HERC3: variants seen among roughly 807,000 people sequenced by gnomAD.
HERC3 encodes probable E3 ubiquitin-protein ligase HERC3.
Under a neutral mutation model 129.9 loss-of-function variants are expected in HERC3, and 58 were observed. That is an observed-to-expected ratio of 0.45 (90% CI 0.36 to 0.56). The LOEUF is 0.56. HERC3 is among the 20% of genes least tolerant of loss of function. HERC3 has a pLI of 0.00. For missense variants in HERC3, 835 were observed against 1,244.2 expected, an observed-to-expected ratio of 0.67 and a Z score of 4.95; for synonymous variants, 430 against 451.0, an observed-to-expected ratio of 0.95 and a Z score of 0.59.
the HERC3 span, among the ~76,000 whole-genome samples, chr4:88,571,200 C>T: frequency 2.7e-4 from 41 of 152,312 alleles, no homozygotes; most frequent in East Asian, 7.9e-3. Flanking sequence ...TCTCAAGTGG[C>T]TGAGACTACA....
chr4:88,531,487 A>G, the HERC3 span, among the ~76,000 whole-genome samples: 25 of 152,374 alleles, frequency 1.6e-4, no homozygotes, highest in East Asian at 4.8e-3. Flanking sequence ...GCAACTCCAC[A>G]TGATATTAAT....
In HERC3 at chr4:88,697,879, C is replaced by T. The variant is rs1318467868; in HGVS notation, c.2658-6219C>T. 11 of 1,343,782 alleles carry T rather than the reference C, an allele frequency of 8.2e-6. No individual in the cohort carries two copies. The Admixed American group carries it at 1.9e-4, about 23-fold the overall frequency. The allele number at this position is 1,343,782 out of a possible 1,614,324, so 83.2% of individuals were successfully genotyped here. ...GTGCGGCCGCGGGAATGACGTTGGC[C>T]GCGGCCCCGCCTCCTGCTTTCGCGG... On this transcript the variant is annotated intron_variant, in intron 23 of 25. Coordinates refer to ENST00000402738, the MANE Select transcript of HERC3 (RefSeq NM_014606.3).
Position 88,604,621 on chromosome 4 carries a change from A to G in HERC3, c.-29-1174A>G, listed in dbSNP as rs138357664. Reference sequence around the variant, plus strand: ...CCGTTCATCCATATTGCAGCCAAATAATATCCCATTGTATAGATATACCAT... The same window carrying G: ...CCGTTCATCCATATTGCAGCCAAATGATATCCCATTGTATAGATATACCAT... On this transcript the variant is annotated intron_variant, in intron 2 of 25. Coordinates refer to ENST00000402738, the MANE Select transcript of HERC3 (RefSeq NM_014606.3). 2.6e-3 allele frequency among the ~76,000 whole-genome samples: 390 copies of G among 152,340 alleles called. 1 individual carries two copies. The highest frequency in any genetic ancestry group is 4.7e-3 in the Non-Finnish European group (318 of 68,022).
chr4:88,640,817 C>G (rs1232407773), intron 3 of HERC3, among the ~76,000 whole-genome samples: 2 of 152,128 alleles, frequency 1.3e-5, no homozygotes, highest in Non-Finnish European at 2.9e-5. Context: ...CTTCAAAATA[C>G]TTGAAACAAA....
At chr4:88,690,994 C>G (rs1225979090) in intron 23 of HERC3, among the ~76,000 whole-genome samples, 2 of 152,120 alleles carry the variant, frequency 1.3e-5, no homozygotes, top group African/African-American at 2.4e-5. Context: ...TGAAGGCGTT[C>G]AGAGAAGTCA....
At chr4:88,625,846 A>T (rs1578192982) in intron 3 of HERC3, among the ~76,000 whole-genome samples, 3 of 151,156 alleles carry the variant, frequency 2.0e-5, no homozygotes, top group African/African-American at 4.9e-5. Context: ...ATTTTTTTTT[A>T]AATAAAAAAT....
intron 14 of HERC3, among the ~76,000 whole-genome samples, chr4:88,669,148 C>T (rs1731350410): frequency 6.6e-6 from 1 of 152,126 alleles, no homozygotes; most frequent in African/African-American, 2.4e-5. Context: ...GAGTATGCTA[C>T]AGGTAGTCAC....
At chr4:88,704,919 G>A (rs1050007080) in intron 25 of HERC3, among the ~76,000 whole-genome samples, 3 of 148,212 alleles carry the variant, frequency 2.0e-5, no homozygotes, top group African/African-American at 7.6e-5. Flanking sequence ...GGAGTGCAGT[G>A]GCGTGATCTC....
intron 2 of HERC3, among the ~76,000 whole-genome samples, chr4:88,604,778 A>G (rs1723432459): frequency 6.6e-6 from 1 of 152,320 alleles, no homozygotes; most frequent in Middle Eastern, 3.4e-3. Context: ...GTTTATAACT[A>G]GTAGTGAAAT....
rs76305575 is a variant in HERC3, at chr4:88,630,224, C to G, written c.227-19616C>G. 6.7e-3 allele frequency among the ~76,000 whole-genome samples: 1,026 copies of G among 152,256 alleles called. 12 individuals are homozygous for G. Among genetic ancestry groups the G allele is most frequent in the African/African-American group, 0.024 (977 of 41,550 alleles). The stretch of plus-strand genomic sequence containing the variant: ...AATGTTTTAGTTTCTCCATTATTCT[C>G]CATTTCTCCCATAAAGAATGATGAT... On this transcript the variant is annotated intron_variant, in intron 3 of 25. Transcript: ENST00000402738.
At chr4:88,625,859 G>A (rs1296829439) in intron 3 of HERC3, among the ~76,000 whole-genome samples, 1 of 151,980 alleles carries the variant, frequency 6.6e-6, no homozygotes, top group African/African-American at 2.4e-5. Flanking sequence ...TAAAAAATTT[G>A]TGTTGATTTT....
intron 21 of HERC3, chr4:88,684,860 C>G (rs538655395): frequency 1.3e-5 from 2 of 152,288 alleles, no homozygotes; most frequent in Non-Finnish European, 2.9e-5. Context: ...AAATATGGAA[C>G]GCTTCACGAA....
the HERC3 span, among the ~76,000 whole-genome samples, chr4:88,585,929 T>C: frequency 6.6e-6 from 1 of 152,194 alleles, no homozygotes; most frequent in Admixed American, 6.5e-5. Context: ...TAAAAATTAC[T>C]GGTAAGGGGG....
intron 23 of HERC3, among the ~76,000 whole-genome samples, chr4:88,703,208 C>A (rs1735480219): frequency 6.6e-6 from 1 of 152,136 alleles, no homozygotes; most frequent in African/African-American, 2.4e-5. Flanking sequence ...CCTGCAGCTT[C>A]CCCAGACTAG....
At chr4:88,690,353 C>G (rs529633658) in intron 23 of HERC3, 1 of 985,368 alleles carries the variant, frequency 1.0e-6, no homozygotes, top group South Asian at 4.7e-5. Context: ...TTTCCCTTCC[C>G]TCCTGGTTTT....
rs1721785570 is a variant in HERC3, at chr4:88,592,481, T to C, written c.-181T>C. On this transcript the variant is annotated 5_prime_UTR_variant, in exon 1 of 26. Coordinates refer to ENST00000402738, the MANE Select transcript of HERC3 (RefSeq NM_014606.3). ...CCCGCAGGCTTGCGGGGAAACTTCCTTATTATTGTGACGCCGAAAACGGAG... is the reference window on the plus strand; with the variant it reads ...CCCGCAGGCTTGCGGGGAAACTTCCCTATTATTGTGACGCCGAAAACGGAG... 1 of 152,294 alleles carries C rather than the reference T, an allele frequency of 6.6e-6. No individual in the cohort carries two copies. The highest frequency in any genetic ancestry group is 1.5e-5 in the Non-Finnish European group (1 of 68,116). 9.4% of individuals were successfully genotyped at this position (152,294 alleles called of 1,614,324 possible). A position where few individuals can be genotyped will look rare whatever the true frequency, so the allele number is the denominator to read the frequency against.
the HERC3 span, among the ~76,000 whole-genome samples, chr4:88,585,030 A>T: frequency 9.8e-5 from 15 of 152,346 alleles, no homozygotes; most frequent in Admixed American, 2.0e-4. Flanking sequence ...GAGAAGTTCA[A>T]GATCAAGGCA....
At chr4:88,640,626 G>T (rs561096158) in intron 3 of HERC3, among the ~76,000 whole-genome samples, 2 of 152,180 alleles carry the variant, frequency 1.3e-5, no homozygotes, top group South Asian at 4.2e-4. Context: ...TACATGTGGG[G>T]CTTAAAACAA....
chr4:88,634,260 G>A (rs1727104052), intron 3 of HERC3, among the ~76,000 whole-genome samples: 1 of 152,182 alleles, frequency 6.6e-6, no homozygotes, highest in Admixed American at 6.5e-5. Context: ...CATGCTACTG[G>A]GGCCTTGGGT....
Sources: gnomAD v4.1 joint callset for allele counts (sites outside exome capture counted in the v4.1 genomes callset) on GRCh38, gnomAD v4.1.1 for gene constraint, MANE v1.5 for transcripts, NCBI Gene and HGNC (gene_info 2026-07-23, HGNC 2026-07-21) for gene names.